MBOAT2: variants seen among roughly 807,000 people sequenced by gnomAD.
MBOAT2 encodes the protein membrane-bound glycerophospholipid O-acyltransferase 2.
MBOAT2 carries 28 observed loss-of-function variants against 63.4 expected under a neutral mutation model. The ratio of observed to expected loss-of-function variants is 0.44; its 90% CI spans 0.33 to 0.61. MBOAT2 has a LOEUF of 0.61. Ranked by LOEUF, MBOAT2 falls within the 20% of genes least tolerant of loss-of-function variation. The pLI, the probability that MBOAT2 is intolerant of heterozygous loss-of-function variation, is 0.03. For synonymous variants in MBOAT2, 211 were observed against 215.6 expected, an observed-to-expected ratio of 0.98 and a Z score of 0.19; for missense variants, 470 against 605.8, an observed-to-expected ratio of 0.78 and a Z score of 2.35.
intron 1 of MBOAT2, among the ~76,000 whole-genome samples, chr2:8,960,332 A>T (rs1414484373): frequency 6.6e-6 from 1 of 152,218 alleles, no homozygotes; most frequent in Non-Finnish European, 1.5e-5. Context: ...ACTATGGGCA[A>T]ACATGGGAAA....
At chr2:8,890,093 C>G (rs181833835) in intron 4 of MBOAT2, among the ~76,000 whole-genome samples, 1 of 152,094 alleles carries the variant, frequency 6.6e-6, no homozygotes, top group African/African-American at 2.4e-5. Context: ...TCTAACAGAG[C>G]GGGAGGGAAG....
At chr2:8,872,348 G>GCTCA (rs988218001) in intron 8 of MBOAT2, among the ~76,000 whole-genome samples, 1 of 152,146 alleles carries the variant, frequency 6.6e-6, no homozygotes, top group Non-Finnish European at 1.5e-5. Flanking sequence ...TGCAATCATA[G>GCTCA]CTCATTGCAG....
chr2:8,977,016 AGTG>A (rs1670865239), intron 1 of MBOAT2, among the ~76,000 whole-genome samples: 1 of 152,078 alleles, frequency 6.6e-6, no homozygotes. Flanking sequence ...AAAGCTTATC[AGTG>A]GTTGCCTGGG....
In MBOAT2 at chr2:8,989,953, G is replaced by T. The variant is rs117470073; in HGVS notation, c.75+13587C>A. Among the ~76,000 whole-genome samples, 115 of 152,342 alleles carry T rather than the reference G, an allele frequency of 7.5e-4. 1 individual carries two copies. The East Asian group carries it at 0.02, about 27-fold the overall frequency. On this transcript the variant is annotated intron_variant, in intron 1 of 12. Coordinates refer to ENST00000305997, the MANE Select transcript of MBOAT2 (RefSeq NM_138799.4). ...TACACACTACACTCTTGTGCACACA[G>T]ATAAACTCACACAGCTTGTAAGGGA...
At chr2:8,960,458 T>C (rs1413602765) in intron 1 of MBOAT2, among the ~76,000 whole-genome samples, 3 of 152,266 alleles carry the variant, frequency 2.0e-5, no homozygotes, top group South Asian at 4.1e-4. Context: ...AATGGTTATA[T>C]AGAACATCCT....
intron 1 of MBOAT2, among the ~76,000 whole-genome samples, chr2:8,994,623 T>C (rs189143102): frequency 1.3e-5 from 2 of 152,182 alleles, no homozygotes; most frequent in East Asian, 3.9e-4. Flanking sequence ...GAGACAGCTG[T>C]GTGAAGAGGT....
intron 3 of MBOAT2, among the ~76,000 whole-genome samples, chr2:8,921,944 T>C (rs1210363350): frequency 2.0e-5 from 3 of 152,208 alleles, no homozygotes; most frequent in Non-Finnish European, 4.4e-5. Context: ...TGGCCATCAC[T>C]TCCTCAAAAG....
At chr2:8,975,809 A>C (rs1276948575) in intron 1 of MBOAT2, among the ~76,000 whole-genome samples, 3 of 151,906 alleles carry the variant, frequency 2.0e-5, no homozygotes, top group Non-Finnish European at 2.9e-5. Context: ...AAAAAAAAAA[A>C]AAAAACGATG....
chr2:8,972,030 A>T (rs1490073931), intron 1 of MBOAT2, among the ~76,000 whole-genome samples: 1 of 152,202 alleles, frequency 6.6e-6, no homozygotes, highest in Non-Finnish European at 1.5e-5. Context: ...TAAAGTTCAT[A>T]TGGAACCAAA....
chr2:8,911,082 C>T (rs370421023), intron 3 of MBOAT2, among the ~76,000 whole-genome samples: 38 of 152,256 alleles, frequency 2.5e-4, no homozygotes, highest in African/African-American at 4.8e-4. Flanking sequence ...GACTGAGAAG[C>T]GCCTTACAGT....
chr2:8,899,786 C>G (rs1304488714), intron 4 of MBOAT2, among the ~76,000 whole-genome samples: 1 of 152,196 alleles, frequency 6.6e-6, no homozygotes, highest in Non-Finnish European at 1.5e-5. Context: ...GTTTGTTTGT[C>G]TGAGGGCCAT....
At chr2:8,955,382 C>T (rs1669142898) in intron 2 of MBOAT2, among the ~76,000 whole-genome samples, 1 of 152,180 alleles carries the variant, frequency 6.6e-6, no homozygotes, top group Admixed American at 6.5e-5. Context: ...AAAGGTGAGT[C>T]ATAGAGAAGG....
chr2:8,875,805 C>T (rs375164943), intron 7 of MBOAT2, among the ~76,000 whole-genome samples: 1 of 152,180 alleles, frequency 6.6e-6, no homozygotes, highest in East Asian at 1.9e-4. Context: ...AGTCTGGAAT[C>T]CCACTCAGTT....
At chr2:9,001,528 T>C (rs1390872395) in intron 1 of MBOAT2, among the ~76,000 whole-genome samples, 1 of 152,214 alleles carries the variant, frequency 6.6e-6, no homozygotes. Context: ...ATGACCAAAA[T>C]GTCACTATGC....
At chr2:8,896,181 G>A (rs373880059) in intron 4 of MBOAT2, among the ~76,000 whole-genome samples, 6 of 150,292 alleles carry the variant, frequency 4.0e-5, no homozygotes, top group African/African-American at 1.5e-4. Context: ...GGAGCTTGCA[G>A]TGAGCCGAGA....
rs139312712 is a variant in MBOAT2, at chr2:8,873,585, A to C, written c.691-285T>G. On this transcript the variant is annotated intron_variant, in intron 7 of 12. Coordinates refer to ENST00000305997, the MANE Select transcript of MBOAT2 (RefSeq NM_138799.4). ...TCAGGAAATAAAAAAATCTAAAAGC[A>C]AGCATAAGTGTATTGGTGTGAATGG... Among the ~76,000 whole-genome samples the C allele has an allele frequency of 2.9e-4, 44 of 152,240 alleles. No individual in the cohort carries two copies. In the East Asian group the frequency reaches 7.9e-3, roughly 27 times the overall value.
At chr2:8,969,202 G>C (rs1333579628) in intron 1 of MBOAT2, among the ~76,000 whole-genome samples, 2 of 152,110 alleles carry the variant, frequency 1.3e-5, no homozygotes, top group Non-Finnish European at 2.9e-5. Context: ...CCAGAAGAGA[G>C]TGGGGGCCAA....
chr2:8,913,959 C>T (rs200689771), intron 3 of MBOAT2, among the ~76,000 whole-genome samples: 30 of 152,056 alleles, frequency 2.0e-4, no homozygotes, highest in Admixed American at 3.3e-4. Context: ...AAAGAAACTG[C>T]GGTATATATA....
At chr2:8,921,747 A>C (rs907119746) in intron 3 of MBOAT2, among the ~76,000 whole-genome samples, 2 of 152,094 alleles carry the variant, frequency 1.3e-5, no homozygotes, top group Non-Finnish European at 2.9e-5. Context: ...CACTGTTCTG[A>C]TAAGAATTTT....
Sources: allele counts gnomAD v4.1 joint callset (sites outside exome capture counted in the v4.1 genomes callset), GRCh38; gene constraint gnomAD v4.1.1; transcripts MANE v1.5; gene names NCBI Gene and HGNC (gene_info 2026-07-23, HGNC 2026-07-21).